ARHGAP24: variants seen among roughly 807,000 people sequenced by gnomAD.
ARHGAP24 encodes the protein rho GTPase-activating protein 24.
A neutral mutation model predicts 76.4 loss-of-function variants in ARHGAP24; 50 were observed. That is an observed-to-expected ratio of 0.65 (90% CI 0.52 to 0.83). ARHGAP24 has a LOEUF of 0.83. ARHGAP24 is among the 40% of genes least tolerant of loss of function. The probability of loss-of-function intolerance (pLI) is 0.00; values close to 1 mark genes in which losing one functional copy is unlikely to be tolerated. For missense variants in ARHGAP24, 930 were observed against 914.2 expected (o/e 1.02, Z -0.22); for synonymous variants, 345 against 323.3 (o/e 1.07, Z -0.72).
intron 3 of ARHGAP24, among the ~76,000 whole-genome samples, chr4:85,770,731 G>A (rs1392441833): frequency 6.6e-6 from 1 of 152,188 alleles, no homozygotes; most frequent in Non-Finnish European, 1.5e-5. Flanking sequence ...ACAGCTAGTT[G>A]CTGACAGAAC....
intron 1 of ARHGAP24, among the ~76,000 whole-genome samples, chr4:85,534,481 G>A (rs1725387828): frequency 6.6e-6 from 1 of 152,190 alleles, no homozygotes; most frequent in Admixed American, 6.5e-5. Flanking sequence ...ATAACCAATG[G>A]AGCCTGTGAG....
chr4:85,932,156 C>T (rs1736370977), intron 4 of ARHGAP24, among the ~76,000 whole-genome samples: 1 of 152,144 alleles, frequency 6.6e-6, no homozygotes, highest in South Asian at 2.1e-4. Context: ...ATTCCTATCT[C>T]ATCCACAAAG....
At chr4:85,818,798 TTC>T (rs1729350434) in intron 3 of ARHGAP24, among the ~76,000 whole-genome samples, 2 of 152,324 alleles carry the variant, frequency 1.3e-5, no homozygotes, top group Admixed American at 1.3e-4. Flanking sequence ...AGTGAAATAA[TTC>T]TCTTTTATTC....
chr4:85,563,435 G>C (rs909777301), intron 1 of ARHGAP24, among the ~76,000 whole-genome samples: 4 of 152,136 alleles, frequency 2.6e-5, no homozygotes, highest in African/African-American at 9.7e-5. Flanking sequence ...GCTCACATGA[G>C]CTCTTCTTTG....
chr4:85,534,579 A>G (rs893775088), intron 1 of ARHGAP24, among the ~76,000 whole-genome samples: 2 of 152,182 alleles, frequency 1.3e-5, no homozygotes, highest in Admixed American at 6.5e-5. Flanking sequence ...GTGGAAATAA[A>G]TGTGGGTTAA....
chr4:85,897,049 T>TA (rs969263754), intron 3 of ARHGAP24, among the ~76,000 whole-genome samples: 1 of 152,184 alleles, frequency 6.6e-6, no homozygotes, highest in Non-Finnish European at 1.5e-5. Flanking sequence ...GAGTAAAAGG[T>TA]ACTGCCCACT....
Position 85,752,152 on chromosome 4 carries a change from G to A in ARHGAP24, c.268+30180G>A, listed in dbSNP as rs556467525. Among the ~76,000 whole-genome samples, 22 of 152,354 alleles carry A rather than the reference G, an allele frequency of 1.4e-4. No homozygotes were observed. The South Asian group carries it at 3.5e-3, about 24-fold the overall frequency. On this transcript the variant is annotated intron_variant, in intron 3 of 9. Transcript: ENST00000395184. ...ACTGAGCCACTTCAGTCATCTAACA[G>A]GTGCTCACTCTGCCTTACAGGTGAG...
chr4:85,809,708 G>A (rs1019960808), intron 3 of ARHGAP24, among the ~76,000 whole-genome samples: 3 of 152,122 alleles, frequency 2.0e-5, no homozygotes, highest in African/African-American at 7.2e-5. Flanking sequence ...GACATCATAA[G>A]GCTTTTCAGA....
At chr4:85,589,227 A>G (rs1182088678) in intron 2 of ARHGAP24, among the ~76,000 whole-genome samples, 1 of 152,180 alleles carries the variant, frequency 6.6e-6, no homozygotes, top group Non-Finnish European at 1.5e-5. Context: ...CCTAACTGCC[A>G]CCTAAAGCCT....
At chr4:85,701,714 C>T (rs1315797651) in intron 2 of ARHGAP24, among the ~76,000 whole-genome samples, 1 of 151,516 alleles carries the variant, frequency 6.6e-6, no homozygotes, top group East Asian at 1.9e-4. Context: ...CTGGGTGGTC[C>T]TGACAGATGT....
intron 1 of ARHGAP24, among the ~76,000 whole-genome samples, chr4:85,543,040 G>T (rs1467550219): frequency 6.6e-6 from 1 of 152,162 alleles, no homozygotes. Flanking sequence ...GCTAATTTTA[G>T]CTGTAGTAAG....
chr4:85,549,382 T>C (rs181775866), intron 1 of ARHGAP24, among the ~76,000 whole-genome samples: 1 of 151,736 alleles, frequency 6.6e-6, no homozygotes, highest in East Asian at 1.9e-4. Flanking sequence ...ATTGTGTTTA[T>C]AATGTGCAAT....
intron 4 of ARHGAP24, chr4:85,931,028 T>G: frequency 1.2e-6 from 2 of 1,612,564 alleles, no homozygotes; most frequent in Non-Finnish European, 1.7e-6. Context: ...AAACGGTGTT[T>G]TAGTTTTCGG....
At chr4:85,538,986 T>C (rs796387855) in intron 1 of ARHGAP24, among the ~76,000 whole-genome samples, 7 of 152,356 alleles carry the variant, frequency 4.6e-5, no homozygotes, top group African/African-American at 1.7e-4. Context: ...TTTCTGCTAA[T>C]GTACATTTAA....
chr4:85,781,291 ATG>A (rs1177413883), intron 3 of ARHGAP24, among the ~76,000 whole-genome samples: 1 of 152,208 alleles, frequency 6.6e-6, no homozygotes, highest in Non-Finnish European at 1.5e-5. Context: ...ATATGACAAT[ATG>A]TGTTTTCTTC....
At chr4:85,797,621 G>A (rs1405198597) in intron 3 of ARHGAP24, among the ~76,000 whole-genome samples, 1 of 152,180 alleles carries the variant, frequency 6.6e-6, no homozygotes, top group Non-Finnish European at 1.5e-5. Context: ...TTTCTTCTGG[G>A]TAGTTTCATT....
At chr4:85,639,112 C>T (rs952809384) in intron 2 of ARHGAP24, among the ~76,000 whole-genome samples, 1 of 152,016 alleles carries the variant, frequency 6.6e-6, no homozygotes, top group African/African-American at 2.4e-5. Flanking sequence ...TTCTTATTCC[C>T]CAAATTGTCC....
rs1041770760 is a variant in ARHGAP24, at chr4:85,563,315, A to G, written c.-20-7207A>G. On this transcript the variant is annotated intron_variant, in intron 1 of 9. Coordinates refer to ENST00000395184, the MANE Select transcript of ARHGAP24 (RefSeq NM_001025616.3). ...TGTGTGGCTTAAACAACAGAAGTTC[A>G]TTTCTGACAGTTCTGGAGGCAGGGA... 2.6e-5 allele frequency among the ~76,000 whole-genome samples: 4 copies of G among 152,298 alleles called. No homozygotes were observed. In the South Asian group the frequency reaches 8.3e-4, roughly 32 times the overall value.
At chr4:85,745,342 A>G (rs1293135447) in intron 3 of ARHGAP24, among the ~76,000 whole-genome samples, 1 of 148,138 alleles carries the variant, frequency 6.8e-6, no homozygotes, top group Non-Finnish European at 1.5e-5. Flanking sequence ...ATATACATAT[A>G]TATGTATTAT....
Sources: gnomAD v4.1 joint callset for allele counts (sites outside exome capture counted in the v4.1 genomes callset) on GRCh38, gnomAD v4.1.1 for gene constraint, MANE v1.5 for transcripts, NCBI Gene and HGNC (gene_info 2026-07-23, HGNC 2026-07-21) for gene names.